Variants in GLCCI1 observed in about 807,000 individuals in gnomAD.
GLCCI1 encodes the protein glucocorticoid induced 1.
A neutral mutation model predicts 52.2 loss-of-function variants in GLCCI1; 24 were observed. The ratio of observed to expected loss-of-function variants is 0.46; its 90% confidence interval spans 0.33 to 0.65. The LOEUF (loss-of-function observed/expected upper bound fraction) is 0.65, where lower values mean the gene tolerates loss of function less well. Among genes scored for constraint, GLCCI1 ranks in the 30% least tolerant of loss-of-function variants. The probability of loss-of-function intolerance (pLI) is 0.02; values close to 1 mark genes in which losing one functional copy is unlikely to be tolerated. For missense variants in GLCCI1, 704 were observed against 701.5 expected (o/e 1.00, Z -0.04); for synonymous variants, 310 against 276.5 (o/e 1.12, Z -1.20).
At chr7:8,005,218 C>G (rs942880530) in intron 2 of GLCCI1, among the ~76,000 whole-genome samples, 2 of 151,068 alleles carry the variant, frequency 1.3e-5, no homozygotes, top group East Asian at 1.9e-4. Context: ...GTTAGATTCA[C>G]AAATATGATA....
intron 1 of GLCCI1, among the ~76,000 whole-genome samples, chr7:7,996,507 G>A (rs1010929610): frequency 2.6e-5 from 4 of 152,024 alleles, no homozygotes; most frequent in Non-Finnish European, 5.9e-5. Context: ...AGCCATATTA[G>A]TGAAGTTTTC....
At chr7:8,070,771 T>G in intron 5 of GLCCI1, 150 bp from the exon 6 acceptor site, 1 of 637,758 alleles carries the variant, frequency 1.6e-6, no homozygotes, top group Non-Finnish European at 2.7e-6. Context: ...ACGCAGAAAT[T>G]AGCTTAAGAC....
intron 3 of GLCCI1, among the ~76,000 whole-genome samples, chr7:8,040,270 G>GAGC (rs1429300848): frequency 6.6e-6 from 1 of 151,974 alleles, no homozygotes; most frequent in Non-Finnish European, 1.5e-5. Flanking sequence ...AGGATCTTTT[G>GAGC]AGCTCATGAG....
chr7:8,038,935 T>C lies in GLCCI1; in HGVS notation c.696+16366T>C, dbSNP rs142428528. On this transcript the variant is annotated intron_variant, in intron 3 of 7. Coordinates refer to ENST00000223145, the MANE Select transcript of GLCCI1 (RefSeq NM_138426.4). ...ACAAGAAAAAAAATACGTAACCCTG[T>C]TAAAAAGTGGATAAAGGACATGAAC... Among the ~76,000 whole-genome samples, 593 of 152,040 alleles carry C rather than the reference T, an allele frequency of 3.9e-3. 4 individuals are homozygous for C. Among genetic ancestry groups the C allele is most frequent in the African/African-American group, 0.013 (558 of 41,452 alleles).
chr7:8,055,060 C>T (rs186745039), intron 3 of GLCCI1, among the ~76,000 whole-genome samples: 3 of 152,124 alleles, frequency 2.0e-5, no homozygotes, highest in Non-Finnish European at 4.4e-5. Context: ...TAATGTGGTG[C>T]ATATGTTTAG....
At chr7:8,068,700 G>C (rs1406787786) in intron 5 of GLCCI1, among the ~76,000 whole-genome samples, 2 of 152,200 alleles carry the variant, frequency 1.3e-5, no homozygotes, top group African/African-American at 2.4e-5. Flanking sequence ...TGGGAGGAAA[G>C]AAGACGCTGT....
intron 1 of GLCCI1, among the ~76,000 whole-genome samples, chr7:7,975,123 G>GTGAC (rs1423916262): frequency 4.6e-5 from 7 of 152,262 alleles, no homozygotes; most frequent in Admixed American, 2.0e-4. Flanking sequence ...ACCCTTGAAA[G>GTGAC]TGACCATAAG....
chr7:8,052,104 A>G (rs982979686), intron 3 of GLCCI1, among the ~76,000 whole-genome samples: 4 of 152,152 alleles, frequency 2.6e-5, no homozygotes, highest in East Asian at 3.9e-4. Context: ...CCCCATTAGC[A>G]TAAGATTTTT....
At chr7:7,982,079 A>G in intron 1 of GLCCI1, 1 of 469,596 alleles carries the variant, frequency 2.1e-6, no homozygotes, top group Non-Finnish European at 4.2e-6. Flanking sequence ...TCAGAACTGA[A>G]GTCGTAGCTG....
intron 3 of GLCCI1, among the ~76,000 whole-genome samples, chr7:8,032,414 G>C (rs1423185734): frequency 6.6e-6 from 1 of 151,752 alleles, no homozygotes; most frequent in African/African-American, 2.4e-5. Context: ...TAAAGAATAA[G>C]CAAAACCAAT....
rs1781642946 is a variant in GLCCI1 at position 8,027,316 on chromosome 7, T to C, written c.696+4747T>C. Among the ~76,000 whole-genome samples, 3 of 152,118 alleles carry C rather than the reference T, an allele frequency of 2.0e-5. No individual in the cohort carries two copies. The South Asian group carries it at 6.2e-4, about 32-fold the overall frequency. ...CAGCCTGGCCAACATGGTGAAACTC[T>C]GTCTCTACTAAAAATACAAAAATTA... On this transcript the variant is annotated intron_variant, in intron 3 of 7. Coordinates refer to ENST00000223145, the MANE Select transcript of GLCCI1 (RefSeq NM_138426.4).
At chr7:8,059,425 CT>C (rs1178841412) in intron 4 of GLCCI1, among the ~76,000 whole-genome samples, 1 of 152,128 alleles carries the variant, frequency 6.6e-6, no homozygotes, top group Non-Finnish European at 1.5e-5. Context: ...CCTTATTAAT[CT>C]TTATTTTTCT....
intron 1 of GLCCI1, among the ~76,000 whole-genome samples, chr7:7,994,166 A>G (rs931360635): frequency 5.3e-5 from 8 of 152,164 alleles, no homozygotes; most frequent in African/African-American, 1.9e-4. Context: ...AGACATGAGA[A>G]TCACTTGAAT....
At chr7:7,983,663 T>A (rs563266033) in intron 1 of GLCCI1, among the ~76,000 whole-genome samples, 7 of 152,342 alleles carry the variant, frequency 4.6e-5, no homozygotes, top group African/African-American at 1.4e-4. Flanking sequence ...GCTATATATG[T>A]TCAAATCTGT....
At chr7:8,069,126 G>C (rs566613330) in intron 5 of GLCCI1, among the ~76,000 whole-genome samples, 132 of 152,290 alleles carry the variant, frequency 8.7e-4, no homozygotes, top group African/African-American at 3.0e-3. Flanking sequence ...GGTGAGCTAA[G>C]GCTTTATGTT....
intron 3 of GLCCI1, among the ~76,000 whole-genome samples, chr7:8,040,487 C>CT (rs1318411260): frequency 1.3e-5 from 2 of 148,726 alleles, no homozygotes; most frequent in African/African-American, 5.0e-5. Flanking sequence ...AAGACCCTGA[C>CT]TCAAAAAAAA....
At position 7,968,825 on chromosome 7, in the gene GLCCI1, A is replaced by C. The variant is rs1780269031; in HGVS notation, c.-526A>C. ...GCCATTCGGAGTGAGGAGTGGGTAGAAGCGGCGGCGGCGGCGGCGGCGTTT... is the reference window on the plus strand; with the variant it reads ...GCCATTCGGAGTGAGGAGTGGGTAGCAGCGGCGGCGGCGGCGGCGGCGTTT... On this transcript the variant is annotated 5_prime_UTR_variant, in exon 1 of 8. Coordinates refer to ENST00000223145, the MANE Select transcript of GLCCI1 (RefSeq NM_138426.4). 2 of 159,410 alleles carry C rather than the reference A, an allele frequency of 1.3e-5. No individual in the cohort carries two copies. The highest frequency in any genetic ancestry group is 3.1e-4 in the South Asian group (2 of 6,506). The allele number at this position is 159,410 out of a possible 1,614,324, so 9.9% of individuals were successfully genotyped here. A position where few individuals can be genotyped will look rare whatever the true frequency, so the allele number is the denominator to read the frequency against.
At chr7:8,070,061 G>A (rs1782722069) in intron 5 of GLCCI1, 1 of 152,226 alleles carries the variant, frequency 6.6e-6, no homozygotes, top group Non-Finnish European at 1.5e-5. Context: ...AAGCAGAGTA[G>A]TAAAGTAGAA....
intron 3 of GLCCI1, among the ~76,000 whole-genome samples, chr7:8,027,482 T>C (rs1189946853): frequency 6.6e-6 from 1 of 151,798 alleles, no homozygotes; most frequent in Non-Finnish European, 1.5e-5. Flanking sequence ...AGTGAAACCC[T>C]ATCTCAAAAA....
Sources: allele counts gnomAD v4.1 joint callset (sites outside exome capture counted in the v4.1 genomes callset), GRCh38; gene constraint gnomAD v4.1.1; transcripts MANE v1.5; gene names NCBI Gene and HGNC (gene_info 2026-07-23, HGNC 2026-07-21).